Variants in PCDHA2 observed in about 807,000 individuals in gnomAD.
PCDHA2 encodes protocadherin alpha-2.
Under a neutral mutation model 66.0 loss-of-function variants are expected in PCDHA2, and 58 were observed. The ratio of observed to expected loss-of-function variants is 0.88; its 90% CI spans 0.71 to 1.09. The LOEUF is 1.09. Ranked by LOEUF, PCDHA2 falls within the 50% of genes least tolerant of loss-of-function variation. The pLI is 0.00. For missense variants in PCDHA2, 1,267 were observed against 1,242.3 expected (o/e 1.02, Z -0.30); for synonymous variants, 634 against 554.0 (o/e 1.14, Z -2.03).
chr5:140,861,110 T>C (rs2046757682), intron 1 of PCDHA2: 1 of 152,560 alleles, frequency 6.6e-6, no homozygotes, highest in Non-Finnish European at 1.5e-5. Flanking sequence ...CTTTAAAAAC[T>C]ACAAACACCC....
In PCDHA2 at chr5:140,794,871, A is replaced by C; in HGVS notation, c.-94A>C. ...TTTGTTACTTCAGAGAAGCGGAGGA[A>C]TAAGAGAAGCAGCAGGACTTTAACA... On this transcript the variant is annotated 5_prime_UTR_variant, in exon 1 of 4. Transcript: ENST00000526136. The C allele has an allele frequency of 7.5e-7, 1 of 1,324,720 alleles. No individual in the cohort carries two copies. The highest frequency in any genetic ancestry group is 1.0e-6 in the Non-Finnish European group (1 of 961,522). 82.1% of individuals were successfully genotyped at this position (1,324,720 alleles called of 1,614,324 possible). A position where few individuals can be genotyped will look rare whatever the true frequency, so the allele number is the denominator to read the frequency against.
intron 1 of PCDHA2, among the ~76,000 whole-genome samples, chr5:140,955,276 T>A (rs1485560412): frequency 6.6e-6 from 1 of 152,120 alleles, no homozygotes; most frequent in Non-Finnish European, 1.5e-5. Flanking sequence ...TTTGGTTCCA[T>A]ATTGATATGG....
intron 1 of PCDHA2, chr5:140,967,709 G>A (rs1554229820): frequency 3.1e-6 from 5 of 1,614,022 alleles, no homozygotes; most frequent in Admixed American, 3.3e-5. Flanking sequence ...TGCCAGTACC[G>A]GGGAAGTGCG....
chr5:140,835,863 CT>C (rs1338277254), intron 1 of PCDHA2: 1 of 1,612,100 alleles, frequency 6.2e-7, no homozygotes, highest in Non-Finnish European at 8.5e-7. Flanking sequence ...GTCCTACTCG[CT>C]GGTGGAGCTG....
chr5:140,883,951 C>T (rs782324778), intron 1 of PCDHA2: 7 of 1,613,222 alleles, frequency 4.3e-6, no homozygotes, highest in African/African-American at 2.7e-5. Flanking sequence ...AGAACGACAA[C>T]GCTCCGGCGC....
At chr5:140,938,937 C>T (rs1302555937) in intron 1 of PCDHA2, among the ~76,000 whole-genome samples, 4 of 152,070 alleles carry the variant, frequency 2.6e-5, no homozygotes, top group African/African-American at 9.7e-5. Context: ...TTTAACTTTC[C>T]ATTCTTATAA....
intron 1 of PCDHA2, among the ~76,000 whole-genome samples, chr5:140,924,369 G>A (rs2081798645): frequency 6.6e-6 from 1 of 152,144 alleles, no homozygotes; most frequent in Admixed American, 6.5e-5. Context: ...AGGCAAACTA[G>A]CCAAGGGGTA....
At chr5:140,947,140 A>G (rs2094093806) in intron 1 of PCDHA2, among the ~76,000 whole-genome samples, 1 of 151,464 alleles carries the variant, frequency 6.6e-6, no homozygotes, top group Admixed American at 6.6e-5. Context: ...AGTAAAATGT[A>G]TAGTTACTTC....
At chr5:140,882,947 C>G in intron 1 of PCDHA2, 1 of 1,614,162 alleles carries the variant, frequency 6.2e-7, no homozygotes, top group Non-Finnish European at 8.5e-7. Context: ...TGGCACAGTT[C>G]AGCTGCTCAT....
At position 140,875,345 on chromosome 5, in the gene PCDHA2, A is replaced by T. The variant is rs183266244; in HGVS notation, c.2388+77993A>T. 3,872 of 1,443,290 alleles carry T rather than the reference A, an allele frequency of 2.7e-3. 16 individuals are homozygous for T. The highest frequency in any genetic ancestry group is 0.011 in the African/African-American group (735 of 69,882). 89.4% of individuals were successfully genotyped at this position (1,443,290 alleles called of 1,614,324 possible). On this transcript the variant is annotated intron_variant, in intron 1 of 3. Coordinates refer to ENST00000526136, the MANE Select transcript of PCDHA2 (RefSeq NM_018905.3). ...TTCACGGAATAGGATCGACTCCATA[A>T]TGACTGTGATGCTGGAAAAAATTTA...
Position 140,888,304 on chromosome 5 carries a change from T to C in PCDHA2, c.2389-90645T>C, listed in dbSNP as rs560267265. Among the ~76,000 whole-genome samples the C allele has an allele frequency of 9.2e-5, 14 of 152,272 alleles. No homozygotes were observed. The South Asian group carries it at 2.7e-3, about 29-fold the overall frequency. On this transcript the variant is annotated intron_variant, in intron 1 of 3. Transcript: ENST00000526136. The stretch of plus-strand genomic sequence containing the variant: ...CCTCTACCCCCTACCCAGGAGATAA[T>C]TTGGCAATGCCTGGATACATTTTTG...
chr5:140,907,263 C>T (rs985030606), intron 1 of PCDHA2, among the ~76,000 whole-genome samples: 2 of 152,220 alleles, frequency 1.3e-5, no homozygotes, highest in Admixed American at 1.3e-4. Flanking sequence ...CTTCAAAAGG[C>T]CATTCCATCA....
intron 1 of PCDHA2, among the ~76,000 whole-genome samples, chr5:140,818,531 T>A (rs1766379937): frequency 6.6e-6 from 1 of 152,224 alleles, no homozygotes; most frequent in African/African-American, 2.4e-5. Flanking sequence ...AGATTATCAT[T>A]TTTCTCCATT....
chr5:140,982,526 T>A lies in PCDHA2; in HGVS notation c.2499T>A (p.Pro833=). Residue 833 remains proline (P), a synonymous_variant, in exon 3 of 4, where the codon CCT becomes CCA. Coordinates refer to ENST00000526136, the MANE Select transcript of PCDHA2 (RefSeq NM_018905.3). ...TTCTACGGGCTGGTCCAGGAGGGCC[T>A]GATCAGCAGTGGCCAACAGTATCCA... ...AGILRAGPGG[P]DQQWPTVSSA... is the part of the protein sequence containing the mutation. 1.2e-6 allele frequency: 2 copies of A among 1,614,192 alleles called. No individual in the cohort carries two copies. Among genetic ancestry groups the A allele is most frequent in the Non-Finnish European group, 1.7e-6 (2 of 1,180,028 alleles).
intron 1 of PCDHA2, among the ~76,000 whole-genome samples, chr5:140,831,469 C>T (rs2150194603): frequency 8.2e-6 from 1 of 122,106 alleles, no homozygotes; most frequent in Non-Finnish European, 1.7e-5. Flanking sequence ...AAGTGATTCT[C>T]TCACCTCAGC....
At chr5:140,866,708 C>G (rs781977454) in intron 1 of PCDHA2, 2 of 152,102 alleles carry the variant, frequency 1.3e-5, no homozygotes, top group African/African-American at 2.4e-5. Flanking sequence ...ATGACGTGCA[C>G]TAGTAAGACA....
At chr5:140,872,001 AC>A (rs1237580171) in intron 1 of PCDHA2, among the ~76,000 whole-genome samples, 21 of 152,320 alleles carry the variant, frequency 1.4e-4, no homozygotes, top group African/African-American at 5.1e-4. Context: ...GTGGCTATTT[AC>A]AGGTGACCTG....
rs1478499072 is a variant in PCDHA2 at position 140,882,356 on chromosome 5, C to T, written c.2388+85004C>T. 4 of 1,614,070 alleles carry T rather than the reference C, an allele frequency of 2.5e-6. No individual in the cohort carries two copies. The Admixed American group carries it at 5.0e-5, about 20-fold the overall frequency. On this transcript the variant is annotated intron_variant, in intron 1 of 3. Coordinates refer to ENST00000526136, the MANE Select transcript of PCDHA2 (RefSeq NM_018905.3). ...CGCAGCCTGGGAGACGGGTAGTGGC[C>T]AGCTCCACTACTCCGTCCCCGAGGA... is the stretch of plus-strand genomic sequence containing the variant.
rs539970308 is a variant in PCDHA2 at position 140,890,959 on chromosome 5, G to GGTTTT, written c.2389-87984_2389-87980dup. 2.6e-4 allele frequency among the ~76,000 whole-genome samples: 40 copies of GGTTTT among 152,148 alleles called. 1 individual carries two copies. In the South Asian group the frequency reaches 8.1e-3, roughly 31 times the overall value. On this transcript the variant is annotated intron_variant, in intron 1 of 3. Transcript: ENST00000526136. ...AAGATGCTGGTGAGGAATGATTTCAGGTTTTGTTTTTCTGAAAATGTCTTT... is the reference window on the plus strand; with the variant it reads ...AAGATGCTGGTGAGGAATGATTTCAGGTTTTGTTTTGTTTTTCTGAAAATGTCTTT...
Sources: allele counts gnomAD v4.1 joint callset (sites outside exome capture counted in the v4.1 genomes callset), GRCh38; gene constraint gnomAD v4.1.1; transcripts MANE v1.5; gene names NCBI Gene and HGNC (gene_info 2026-07-23, HGNC 2026-07-21).